Variants in RNF44 observed in about 807,000 individuals in gnomAD.
RNF44 encodes ring finger protein 44.
Under a neutral mutation model 53.6 loss-of-function variants are expected in RNF44, and 25 were observed. That is an observed-to-expected ratio of 0.47 (90% CI 0.34 to 0.65). RNF44 has a LOEUF of 0.65. Among genes scored for constraint, RNF44 ranks in the 30% least tolerant of loss-of-function variants. RNF44 has a pLI of 0.01. For missense variants in RNF44, 581 were observed against 595.5 expected (o/e 0.98, Z 0.25); for synonymous variants, 282 against 252.2 (o/e 1.12, Z -1.12).
chr5:176,531,833 AC>A lies in RNF44; in HGVS notation c.297+170del. 1.2e-6 allele frequency: 1 copy of A among 858,228 alleles called. No individual in the cohort carries two copies. Among genetic ancestry groups the A allele is most frequent in the Non-Finnish European group, 1.8e-6 (1 of 564,506 alleles). 53.2% of individuals were successfully genotyped at this position (858,228 alleles called of 1,614,324 possible). On this transcript the variant is annotated intron_variant, in intron 3 of 10. Transcript: ENST00000274811. The surrounding 1 kb of genome is among the most constrained non-coding windows in gnomAD (Gnocchi z 4.2). Reference sequence around the variant, plus strand: ...CCGTGGGAATCTAGCTCTGCTAGTCACCCAGTGTGGCCCTTTCCCCGGGCCT... The same window carrying A: ...CCGTGGGAATCTAGCTCTGCTAGTCACCAGTGTGGCCCTTTCCCCGGGCCT...
At position 176,530,995 on chromosome 5, in the gene RNF44, C is replaced by G; in HGVS notation, c.492G>C (p.Gln164His). ...PPLIQACTMQ[Q>H]LPVPYQAYPH... ...GGTAGGCCTGATAGGGCACAGGCAGCTGCTGCATGGTGCACGCCTGGATAA... is the reference window on the plus strand; with the variant it reads ...GGTAGGCCTGATAGGGCACAGGCAGGTGCTGCATGGTGCACGCCTGGATAA... Residue 164 changes from glutamine (Q) to histidine (H), a missense_variant, in exon 5 of 11, where the codon CAG (glutamine) becomes CAC (histidine). Transcript: ENST00000274811. 1.4e-6 allele frequency: 2 copies of G among 1,455,204 alleles called. No homozygotes were observed. Among genetic ancestry groups the G allele is most frequent in the Non-Finnish European group, 1.8e-6 (2 of 1,106,908 alleles). 90.1% of individuals were successfully genotyped at this position (1,455,204 alleles called of 1,614,324 possible).
At chr5:176,532,250 C>T in intron 2 of RNF44, 57 bp from the exon 3 acceptor site, 1 of 1,506,408 alleles carries the variant, frequency 6.6e-7, no homozygotes. Context: ...GTGCACAGAG[C>T]AGGGAGAGAA....
intron 6 of RNF44, among the ~76,000 whole-genome samples, 164 bp downstream of exon 6, chr5:176,530,418 C>G (rs145031552): frequency 0.039 from 3,406 of 87,304 alleles, 469 homozygotes; most frequent in Middle Eastern, 0.076. Flanking sequence ...AGCCCAGGTG[C>G]AAGTCAGCCC....
intron 1 of RNF44, among the ~76,000 whole-genome samples, chr5:176,532,963 A>G (rs911435500): frequency 3.3e-5 from 5 of 152,186 alleles, no homozygotes; most frequent in South Asian, 2.1e-4. Context: ...GCTGTGTGAA[A>G]TGGGACCCAG....
chr5:176,530,816 C>T (rs556255399), intron 5 of RNF44, 32 bp downstream of exon 5: 1 of 1,459,014 alleles, frequency 6.9e-7, no homozygotes, highest in Non-Finnish European at 9.0e-7. Context: ...CCCACGCCAT[C>T]TCCCTCCAGC....
At chr5:176,536,416 T>A (rs749215100) in intron 1 of RNF44, 1 of 152,170 alleles carries the variant, frequency 6.6e-6, no homozygotes, top group Admixed American at 6.5e-5. Flanking sequence ...AAGGGGGGGC[T>A]CCCCAACGCG....
upstream of RNF44, among the ~76,000 whole-genome samples, chr5:176,539,525 A>C (rs762101611): frequency 1.2e-4 from 19 of 152,222 alleles, no homozygotes; most frequent in Admixed American, 2.0e-4. Flanking sequence ...CTGTCTCCAC[A>C]AAAAATACAA....
At position 176,526,911 on chromosome 5, in the gene RNF44, G is replaced by A. The variant is rs1756077638; in HGVS notation, c.*2117C>T. ...GTTATGTTAAATGCTACAAACCAAT[G>A]TGAATCCCATGGAATGGAAAAAACC... is the stretch of plus-strand genomic sequence containing the variant. On this transcript the variant is annotated 3_prime_UTR_variant, in exon 11 of 11. Transcript: ENST00000274811. 1 of 152,316 alleles carries A rather than the reference G, an allele frequency of 6.6e-6. No individual in the cohort carries two copies. The highest frequency in any genetic ancestry group is 1.5e-5 in the Non-Finnish European group (1 of 68,006). 9.4% of individuals were successfully genotyped at this position (152,316 alleles called of 1,614,324 possible).
chr5:176,534,795 G>A (rs1334932408), intron 1 of RNF44, among the ~76,000 whole-genome samples: 1 of 152,242 alleles, frequency 6.6e-6, no homozygotes, highest in African/African-American at 2.4e-5. Context: ...CCAAGGCTCA[G>A]AGAGGTGAGG....
chr5:176,541,474 C>G (rs1322083722), upstream of RNF44, among the ~76,000 whole-genome samples: 3 of 152,218 alleles, frequency 2.0e-5, no homozygotes, highest in Admixed American at 2.0e-4. Context: ...GGGGAGAACA[C>G]AGAGGCTCAG....
rs775284303 is a variant in RNF44 at position 176,529,156 on chromosome 5, C to A, written c.1237-66G>T. 1.9e-5 allele frequency: 31 copies of A among 1,592,964 alleles called. No homozygotes were observed. In the African/African-American group the frequency reaches 3.1e-4, roughly 16 times the overall value. ...CAACCCACCACATCTGTGCAGCCACCTGGGGGGACTTGGTCCGCTGGAGCC... is the reference window on the plus strand; with the variant it reads ...CAACCCACCACATCTGTGCAGCCACATGGGGGGACTTGGTCCGCTGGAGCC... On this transcript the variant is annotated intron_variant, in intron 10 of 10. Transcript: ENST00000274811.
At chr5:176,533,974 G>C (rs1756941860) in intron 1 of RNF44, among the ~76,000 whole-genome samples, 1 of 152,186 alleles carries the variant, frequency 6.6e-6, no homozygotes, top group Non-Finnish European at 1.5e-5. Flanking sequence ...TGTTGACACA[G>C]CCAGGGAGCC....
intron 1 of RNF44, chr5:176,535,912 A>G (rs1461925301): frequency 6.6e-6 from 1 of 152,152 alleles, no homozygotes; most frequent in Non-Finnish European, 1.5e-5. Flanking sequence ...CCAGGCACGC[A>G]ATGCATTTTG....
chr5:176,533,795 G>C lies in RNF44; in HGVS notation c.-44-1279C>G, dbSNP rs1406894956. On this transcript the variant is annotated intron_variant, in intron 1 of 10. Transcript: ENST00000274811. Reference sequence around the variant, plus strand: ...TCCGCTCAACTCAAAGTTGGGACGAGGCCCTGGCAGGAAAAGCTCTAGAAC... The same window carrying C: ...TCCGCTCAACTCAAAGTTGGGACGACGCCCTGGCAGGAAAAGCTCTAGAAC... 4.6e-5 allele frequency among the ~76,000 whole-genome samples: 7 copies of C among 152,336 alleles called. No individual in the cohort carries two copies. In the East Asian group the frequency reaches 1.3e-3, roughly 29 times the overall value.
upstream of RNF44, among the ~76,000 whole-genome samples, chr5:176,540,810 A>C (rs1757429940): frequency 6.6e-6 from 1 of 152,238 alleles, no homozygotes; most frequent in Non-Finnish European, 1.5e-5. Context: ...CATCTCCACC[A>C]ACCTGAAAAA....
intron 1 of RNF44, among the ~76,000 whole-genome samples, chr5:176,532,747 CAAAAAAAA>C (rs3051911): frequency 4.1e-5 from 3 of 72,592 alleles, no homozygotes; most frequent in African/African-American, 1.1e-4. Flanking sequence ...ACTCCCGTCT[CAAAAAAAA>C]AAAAAAAAAA....
At chr5:176,536,134 CCCACCCGAAACAAGCAGGCTCTG>C (rs1448933588) in intron 1 of RNF44, 2 of 152,244 alleles carry the variant, frequency 1.3e-5, no homozygotes, top group African/African-American at 4.8e-5. Flanking sequence ...TTCCCCACAC[CCCACCCGAAACAAGCAGGCTCTG>C]CCCAGCGCAA....
chr5:176,538,612 G>A (rs374274456), upstream of RNF44, among the ~76,000 whole-genome samples: 3 of 152,326 alleles, frequency 2.0e-5, no homozygotes, highest in African/African-American at 7.2e-5. Flanking sequence ...AGCTGGAGGC[G>A]ACACGGGGCT....
At chr5:176,532,674 C>T (rs1329928378) in intron 1 of RNF44, among the ~76,000 whole-genome samples, 158 bp from the exon 2 acceptor site, 2 of 133,802 alleles carry the variant, frequency 1.5e-5, no homozygotes, top group African/African-American at 2.8e-5. Context: ...ACCCGGGAGG[C>T]GGAGGTTGCA....
Sources: allele counts gnomAD v4.1 joint callset (sites outside exome capture counted in the v4.1 genomes callset), GRCh38; gene constraint gnomAD v4.1.1; non-coding constraint Gnocchi (gnomAD v3.1); transcripts MANE v1.5; gene names NCBI Gene and HGNC (gene_info 2026-07-23, HGNC 2026-07-21).